The following MIAT variants were observed in gnomAD, a reference collection of about 807,000 sequenced individuals.
MIAT encodes myocardial infarction associated transcript.
At chr22:26,647,238 C>T (rs1401373835) in exon 2 of MIAT, 2 of 398,356 alleles carry the variant, frequency 5.0e-6, no homozygotes, top group African/African-American at 4.1e-5. Flanking sequence ...ATTCTTCTGG[C>T]AAACATATGT....
chr22:26,665,487 G>A (rs1385771864), intron 3 of MIAT: 1 of 398,524 alleles, frequency 2.5e-6, no homozygotes. Flanking sequence ...GGGTCACTGT[G>A]GATCAAGCCA....
intron 2 of MIAT, among the ~76,000 whole-genome samples, chr22:26,656,327 CTT>C (rs201892323): frequency 1.9e-4 from 26 of 134,764 alleles, no homozygotes; most frequent in Admixed American, 2.3e-4. Flanking sequence ...TTTTCTTTTT[CTT>C]TTTTTTTTTT....
chr22:26,650,751 G>A (rs2145997454), intron 2 of MIAT, among the ~76,000 whole-genome samples: 1 of 152,310 alleles, frequency 6.6e-6, no homozygotes, highest in Non-Finnish European at 1.5e-5. Context: ...TGTTCAGCTG[G>A]CTGAGGGGTG....
At chr22:26,671,915 T>C (rs1250833881), downstream of MIAT, 2 of 398,292 alleles carry the variant, frequency 5.0e-6, no homozygotes, top group Non-Finnish European at 8.8e-6. Flanking sequence ...CCTCTCTGGG[T>C]GTTCTGCACA....
downstream of MIAT, chr22:26,672,253 C>T: frequency 2.5e-6 from 1 of 399,158 alleles, no homozygotes; most frequent in Non-Finnish European, 4.4e-6. Flanking sequence ...CTGGGCTCCC[C>T]CCGGGGGCTG....
At chr22:26,654,387 A>G (rs1039270861) in intron 2 of MIAT, among the ~76,000 whole-genome samples, 15 of 152,242 alleles carry the variant, frequency 9.9e-5, no homozygotes, top group African/African-American at 3.4e-4. Context: ...ATTGGAAATG[A>G]TAGACTGACA....
chr22:26,665,273 A>AAGAAAGAG (rs1259914854), intron 3 of MIAT, among the ~76,000 whole-genome samples: 1 of 145,852 alleles, frequency 6.9e-6, no homozygotes, highest in Non-Finnish European at 1.5e-5. Context: ...GAAAGAAAGA[A>AAGAAAGAG]AGAAAGAAAG....
At chr22:26,666,467 C>T (rs150501971) in exon 4 of MIAT, 30 of 398,658 alleles carry the variant, frequency 7.5e-5, no homozygotes, top group Non-Finnish European at 9.3e-5. Context: ...TTACCGTGCA[C>T]CTTGAGTGAA....
chr22:26,666,010 G>A, exon 4 of MIAT: 1 of 398,614 alleles, frequency 2.5e-6, no homozygotes, highest in Non-Finnish European at 4.4e-6. Context: ...CTTGGACAGG[G>A]CTCCTTGGCC....
At chr22:26,671,230 G>A (rs1448645109), downstream of MIAT, 2 of 398,568 alleles carry the variant, frequency 5.0e-6, no homozygotes, top group Non-Finnish European at 8.8e-6. Context: ...GAGACCCACA[G>A]CCAATAAATA....
intron 2 of MIAT, chr22:26,647,411 GA>G: frequency 2.8e-6 from 1 of 353,150 alleles, no homozygotes; most frequent in Non-Finnish European, 5.0e-6. Context: ...GAGAGAGAGA[GA>G]GAGAGAGAGA....
downstream of MIAT, chr22:26,671,886 T>C: frequency 2.5e-6 from 1 of 398,414 alleles, no homozygotes; most frequent in Non-Finnish European, 4.4e-6. Flanking sequence ...GTTGAACACG[T>C]CTGCTGCCTA....
intron 2 of MIAT, among the ~76,000 whole-genome samples, chr22:26,661,959 TATAC>T (rs1382274918): frequency 1.5e-3 from 84 of 54,324 alleles, no homozygotes; most frequent in Non-Finnish European, 2.7e-3. Flanking sequence ...TATATATATA[TATAC>T]ACACACACAC....
chr22:26,653,325 C>T (rs1396227093), intron 2 of MIAT, among the ~76,000 whole-genome samples: 3 of 152,208 alleles, frequency 2.0e-5, no homozygotes, highest in Non-Finnish European at 4.4e-5. Context: ...ACTCAGTTCA[C>T]GGCTTGTCCC....
At chr22:26,672,374 T>G, downstream of MIAT, 1 of 399,298 alleles carries the variant, frequency 2.5e-6, no homozygotes, top group Non-Finnish European at 4.4e-6. Context: ...GGGCCAGGTC[T>G]AAGGCAGGGG....
exon 5 of MIAT, chr22:26,676,082 A>G (rs1931251765): frequency 1.0e-5 from 4 of 398,208 alleles, no homozygotes; most frequent in African/African-American, 4.1e-5. Context: ...GAGCTGAGGA[A>G]TTGGCCTCCC....
At chr22:26,670,785 G>A (rs1036938101), downstream of MIAT, 43 of 398,332 alleles carry the variant, frequency 1.1e-4, no homozygotes, top group Non-Finnish European at 3.1e-5. Flanking sequence ...ATGGAACATC[G>A]TTTAGAACTG....
chr22:26,663,281 T>C (rs539286704), intron 2 of MIAT: 1 of 398,626 alleles, frequency 2.5e-6, no homozygotes, highest in Admixed American at 4.4e-5. Flanking sequence ...ATGTATTTAT[T>C]CTCTCACTGC....
chr22:26,671,528 C>A (rs557336173), downstream of MIAT: 4 of 398,714 alleles, frequency 1.0e-5, no homozygotes, highest in South Asian at 3.8e-4. Context: ...TAACCACCCC[C>A]CCGCAGCCAG....
Sources: gnomAD v4.1 joint callset for allele counts (sites outside exome capture counted in the v4.1 genomes callset) on GRCh38, gnomAD v4.1.1 for gene constraint, MANE v1.5 for transcripts, NCBI Gene and HGNC (gene_info 2026-07-23, HGNC 2026-07-21) for gene names.